BAHD1: variants seen among roughly 807,000 people sequenced by gnomAD.
BAHD1 encodes the protein bromo adjacent homology domain-containing 1 protein.
BAHD1 carries 20 observed loss-of-function variants against 63.1 expected under a neutral mutation model. The observed-to-expected ratio is 0.32, with a 90% CI of 0.22 to 0.46. The LOEUF is 0.46. Among genes scored for constraint, BAHD1 ranks in the 20% least tolerant of loss-of-function variants. The pLI is 1.00. For missense variants in BAHD1, 939 were observed against 1,071.8 expected (o/e 0.88, Z 1.73); for synonymous variants, 408 against 426.8 (o/e 0.96, Z 0.54).
In BAHD1 at chr15:40,458,823, C is replaced by A; in HGVS notation, c.359C>A (p.Ala120Asp). 6.2e-7 allele frequency: 1 copy of A among 1,612,668 alleles called. No homozygotes were observed. Among genetic ancestry groups the A allele is most frequent in the Non-Finnish European group, 8.5e-7 (1 of 1,179,828 alleles). ...GLAQPRKRRL[A>D]SLNAEALNNL... Reference sequence around the variant, plus strand: ...GCCCAGCCCCGCAAGCGGCGCCTGGCCTCCCTCAATGCTGAAGCTCTCAAT... The same window carrying A: ...GCCCAGCCCCGCAAGCGGCGCCTGGACTCCCTCAATGCTGAAGCTCTCAAT... Residue 120 changes from alanine (A) to aspartate (D), a missense_variant, in exon 2 of 7, where the codon GCC becomes GAC. Around this residue, in one of 5 missense-constraint regions of BAHD1, gnomAD observed 797 missense variants for 813.3 expected, o/e 0.98. Transcript: ENST00000416165. The surrounding 1 kb of genome is among the most constrained non-coding windows in gnomAD (Gnocchi z 4.7).
intron 1 of BAHD1, among the ~76,000 whole-genome samples, chr15:40,452,659 C>T (rs1893740071): frequency 6.6e-6 from 1 of 152,148 alleles, no homozygotes; most frequent in East Asian, 1.9e-4. Context: ...CAGAGCAGTG[C>T]CAGCACCCCG....
At chr15:40,451,030 C>T (rs1453439142) in intron 1 of BAHD1, among the ~76,000 whole-genome samples, 1 of 149,554 alleles carries the variant, frequency 6.7e-6, no homozygotes, top group Non-Finnish European at 1.5e-5. Flanking sequence ...CCCAGCTACT[C>T]GGGATACTCC....
intron 6 of BAHD1, 98 bp downstream of exon 6, chr15:40,465,533 T>A (rs1894174920): frequency 2.2e-6 from 2 of 919,424 alleles, no homozygotes; most frequent in Admixed American, 2.0e-5. Flanking sequence ...CTCATTCTGC[T>A]CTCTACCTGA....
At chr15:40,444,256 C>T (rs190200245) in intron 1 of BAHD1, among the ~76,000 whole-genome samples, 5 of 152,246 alleles carry the variant, frequency 3.3e-5, no homozygotes, top group Admixed American at 3.3e-4. Flanking sequence ...CAGAAATGCT[C>T]ATATTGGAGT....
upstream of BAHD1, among the ~76,000 whole-genome samples, chr15:40,438,197 C>T (rs891496642): frequency 7.3e-5 from 11 of 150,426 alleles, no homozygotes; most frequent in Admixed American, 2.0e-4. Context: ...GGAAAGGTTA[C>T]AGGACCGAAG....
chr15:40,437,719 C>T (rs1187229467), upstream of BAHD1, among the ~76,000 whole-genome samples: 1 of 152,224 alleles, frequency 6.6e-6, no homozygotes, highest in Non-Finnish European at 1.5e-5. Flanking sequence ...ACTGCAGGGA[C>T]TGCACTGCCG....
intron 1 of BAHD1, among the ~76,000 whole-genome samples, chr15:40,451,876 A>G (rs751979424): frequency 6.6e-6 from 1 of 152,254 alleles, no homozygotes; most frequent in Non-Finnish European, 1.5e-5. Context: ...AAGTAGGGAC[A>G]TGTGCCTTTT....
chr15:40,447,147 A>G (rs549381693), intron 1 of BAHD1, among the ~76,000 whole-genome samples: 3 of 152,218 alleles, frequency 2.0e-5, no homozygotes, highest in Non-Finnish European at 4.4e-5. Context: ...AGTATGCCAG[A>G]AGGAGGGGTG....
intron 4 of BAHD1, 80 bp from the exon 5 acceptor site, chr15:40,464,391 G>A: frequency 7.8e-7 from 1 of 1,287,318 alleles, no homozygotes; most frequent in Non-Finnish European, 1.1e-6. Flanking sequence ...TGAACCTCCA[G>A]GGCAGCCAGC....
intron 1 of BAHD1, chr15:40,443,315 T>G: frequency 1.0e-6 from 1 of 985,424 alleles, no homozygotes; most frequent in South Asian, 4.7e-5. Flanking sequence ...GAGCTGAGGC[T>G]TGTGAGAAAG....
intron 1 of BAHD1, among the ~76,000 whole-genome samples, chr15:40,441,480 C>T (rs939420420): frequency 1.1e-4 from 16 of 151,278 alleles, no homozygotes; most frequent in Non-Finnish European, 2.2e-4. Flanking sequence ...GCGCCACCTC[C>T]CTCCCCTGGG....
intron 1 of BAHD1, among the ~76,000 whole-genome samples, chr15:40,450,587 G>T (rs1250848391): frequency 6.6e-6 from 1 of 152,198 alleles, no homozygotes; most frequent in African/African-American, 2.4e-5. Context: ...CTGTTGCTGA[G>T]CTTTGGGGTG....
intron 1 of BAHD1, chr15:40,443,363 T>G: frequency 1.0e-6 from 1 of 953,018 alleles, no homozygotes; most frequent in Admixed American, 6.2e-5. Flanking sequence ...AAGTTTGTTC[T>G]GAGATAATTT....
intron 1 of BAHD1, among the ~76,000 whole-genome samples, chr15:40,449,702 G>A (rs149650498): frequency 5.3e-5 from 8 of 151,950 alleles, no homozygotes; most frequent in Non-Finnish European, 1.0e-4. Flanking sequence ...CCAACTACTC[G>A]GGAGGCTGAG....
chr15:40,462,982 A>G (rs1226704414), intron 3 of BAHD1, among the ~76,000 whole-genome samples: 1 of 151,864 alleles, frequency 6.6e-6, no homozygotes, highest in African/African-American at 2.4e-5. Context: ...AAAATTAATT[A>G]ATTAAAAACA....
Position 40,459,074 on chromosome 15 carries a change from C to G in BAHD1, c.610C>G (p.Leu204Val). 5.6e-6 allele frequency: 9 copies of G among 1,612,412 alleles called. No individual in the cohort carries two copies. The highest frequency in any genetic ancestry group is 7.6e-6 in the Non-Finnish European group (9 of 1,179,504). Residue 204 changes from leucine to valine, a missense_variant, in exon 2 of 7, where the codon CTG (leucine) becomes GTG (valine). By Grantham distance (32) the Leu-to-Val change is conservative. Transcript: ENST00000416165. Reference sequence around the variant, plus strand: ...AGATGGAGACCCAGCTCCCAAGAGACTGGCTAGCCTGAACGCAGCTGCTTT... The same window carrying G: ...AGATGGAGACCCAGCTCCCAAGAGAGTGGCTAGCCTGAACGCAGCTGCTTT... ...RRDGDPAPKR[L>V]ASLNAAAFLK... is the part of the protein sequence containing the mutation.
intron 2 of BAHD1, among the ~76,000 whole-genome samples, chr15:40,460,826 T>G (rs1325820329): frequency 6.6e-6 from 1 of 152,210 alleles, no homozygotes; most frequent in Non-Finnish European, 1.5e-5. Context: ...ATAGACCAGT[T>G]GGCCCTGGCC....
chr15:40,441,096 G>T lies in BAHD1; in HGVS notation c.-187G>T, dbSNP rs1405880705. 3 of 143,608 alleles carry T rather than the reference G, an allele frequency of 2.1e-5. No individual in the cohort carries two copies. Among genetic ancestry groups the T allele is most frequent in the Admixed American group, 1.4e-4 (2 of 14,590 alleles). The allele number at this position is 143,608 out of a possible 1,614,324, so 8.9% of individuals were successfully genotyped here. On this transcript the variant is annotated 5_prime_UTR_variant, in exon 1 of 7. Coordinates refer to ENST00000416165, the MANE Select transcript of BAHD1 (RefSeq NM_014952.5). ...CGCGCCCGCCCCCCCCGACGGCCCC[G>T]CCCGGCCGCGGTCCCCGCTCCGCCC...
intron 1 of BAHD1, among the ~76,000 whole-genome samples, chr15:40,441,767 C>A (rs960949961): frequency 1.3e-5 from 2 of 150,684 alleles, no homozygotes; most frequent in African/African-American, 4.9e-5. Context: ...GGGGCCGCGG[C>A]CGGGGGCGGC....
Sources: allele counts gnomAD v4.1 joint callset (sites outside exome capture counted in the v4.1 genomes callset), GRCh38; gene constraint gnomAD v4.1.1; regional missense constraint gnomAD v4.1.1; non-coding constraint Gnocchi (gnomAD v3.1); transcripts MANE v1.5; gene names NCBI Gene and HGNC (gene_info 2026-07-23, HGNC 2026-07-21).